NF1: variants seen among roughly 807,000 people sequenced by gnomAD.
NF1 encodes the protein neurofibromin.
Under a neutral mutation model 325.7 loss-of-function variants are expected in NF1, and 122 were observed. The observed-to-expected ratio is 0.37, with a 90% CI of 0.32 to 0.44. The LOEUF is 0.44. Ranked by LOEUF, NF1 falls within the 20% of genes least tolerant of loss-of-function variation. The pLI is 1.00. For synonymous variants in NF1, 1,091 were observed against 1,186.0 expected (o/e 0.92, Z 1.65); for missense variants, 2,140 against 3,415.4 (o/e 0.63, Z 9.31).
At chr17:31,157,809 A>AAC (rs1490332399) in intron 2 of NF1, among the ~76,000 whole-genome samples, 1 of 151,314 alleles carries the variant, frequency 6.6e-6, no homozygotes, top group Non-Finnish European at 1.5e-5. Context: ...AAAAAAAAAA[A>AAC]AAAAAACTTA....
At chr17:31,367,142 T>A in intron 57 of NF1, 1 of 712,042 alleles carries the variant, frequency 1.4e-6, no homozygotes, top group Non-Finnish European at 2.1e-6. Flanking sequence ...ATTATAATTA[T>A]CTAGTATCTA....
chr17:31,345,691 T>C, intron 48 of NF1: 4 of 1,614,218 alleles, frequency 2.5e-6, no homozygotes, highest in East Asian at 2.2e-5. Context: ...AAGCAGTATA[T>C]AGAGAAAAGT....
chr17:31,219,805 T>G (rs1166014121), intron 14 of NF1, among the ~76,000 whole-genome samples: 1 of 152,178 alleles, frequency 6.6e-6, no homozygotes. Flanking sequence ...TTCATATAAA[T>G]AGAATCATAG....
intron 12 of NF1, among the ~76,000 whole-genome samples, chr17:31,213,615 A>G (rs2066768523): frequency 6.6e-6 from 1 of 152,186 alleles, no homozygotes; most frequent in Non-Finnish European, 1.5e-5. Flanking sequence ...AAGGAAGGAG[A>G]TGTTTTATAA....
In NF1 at chr17:31,358,511, C is replaced by G. The variant is rs1060503905; in HGVS notation, c.8002C>G (p.Leu2668Val). 2.5e-6 allele frequency: 4 copies of G among 1,613,862 alleles called. No individual in the cohort carries two copies. The highest frequency in any genetic ancestry group is 3.4e-6 in the Non-Finnish European group (4 of 1,179,918). Residue 2668 changes from leucine to valine, a missense_variant, in exon 55 of 58, where the codon CTG becomes GTG. Coordinates refer to ENST00000358273, the MANE Select transcript of NF1 (RefSeq NM_001042492.3). ...HNLLDSKINT[L>V]LSLCQDPNLL... ...TTTGTTGGACTCTAAGATCAACACC[C>G]TGTTATCATTGTGCCAAGATCCAAA...
At chr17:31,299,292 T>A (rs1385775799) in intron 36 of NF1, among the ~76,000 whole-genome samples, 1 of 151,578 alleles carries the variant, frequency 6.6e-6, no homozygotes, top group Admixed American at 6.6e-5. Flanking sequence ...AATAAATAAA[T>A]AAATAAAAGA....
chr17:31,171,865 A>G (rs957693055), intron 5 of NF1, among the ~76,000 whole-genome samples: 2 of 152,226 alleles, frequency 1.3e-5, no homozygotes, highest in Non-Finnish European at 2.9e-5. Context: ...TTAATAAAAT[A>G]TGGAATCTGT....
intron 36 of NF1, chr17:31,318,203 T>G: frequency 2.1e-6 from 3 of 1,460,980 alleles, no homozygotes; most frequent in Non-Finnish European, 2.7e-6. Flanking sequence ...GTCTACCATG[T>G]CAAATTTTAG....
chr17:31,141,028 C>A (rs1916173081), intron 1 of NF1, among the ~76,000 whole-genome samples: 2 of 152,084 alleles, frequency 1.3e-5, no homozygotes, highest in African/African-American at 4.8e-5. Flanking sequence ...TTATGTATAA[C>A]ATGAAGACTA....
rs79890874 is a variant in NF1 at position 31,198,525 on chromosome 17, A to G, written c.889-1897A>G. Among the ~76,000 whole-genome samples the G allele has an allele frequency of 7.2e-3, 1,089 of 152,086 alleles. 15 individuals carry two copies. Among genetic ancestry groups the G allele is most frequent in the African/African-American group, 0.025 (1,047 of 41,460 alleles). Reference sequence around the variant, plus strand: ...GAAATTTGTCCATTTTGTCCAGGTTATCCAAATTGTTGGCATACAGTTTTA... The same window carrying G: ...GAAATTTGTCCATTTTGTCCAGGTTGTCCAAATTGTTGGCATACAGTTTTA... On this transcript the variant is annotated intron_variant, in intron 8 of 57. Coordinates refer to ENST00000358273, the MANE Select transcript of NF1 (RefSeq NM_001042492.3).
rs2143145014 is a variant in NF1, at chr17:31,095,338, T to G, written c.29T>G (p.Val10Gly). Residue 10 changes from valine to glycine, a missense_variant, in exon 1 of 58, where the codon GTC (valine) becomes GGC (glycine). By Grantham distance (109) the Val-to-Gly change is moderately radical. Coordinates refer to ENST00000358273, the MANE Select transcript of NF1 (RefSeq NM_001042492.3). ...GCCGCGCACAGGCCGGTGGAATGGG[T>G]CCAGGCCGTGGTCAGCCGCTTCGAC... is the stretch of plus-strand genomic sequence containing the variant. MAAHRPVEW[V>G]QAVVSRFDEQ... The G allele has an allele frequency of 6.5e-7, 1 of 1,538,958 alleles. No individual in the cohort carries two copies. Among genetic ancestry groups the G allele is most frequent in the Non-Finnish European group, 8.7e-7 (1 of 1,146,298 alleles).
At chr17:31,113,594 A>G (rs1049205668) in intron 1 of NF1, among the ~76,000 whole-genome samples, 2 of 152,062 alleles carry the variant, frequency 1.3e-5, no homozygotes, top group Admixed American at 6.6e-5. Flanking sequence ...CAGTGGTGCA[A>G]TCATGGCTTA....
chr17:31,162,487 T>A (rs1212619343), intron 3 of NF1, among the ~76,000 whole-genome samples: 6 of 152,192 alleles, frequency 3.9e-5, no homozygotes, highest in African/African-American at 1.4e-4. Context: ...ATCGGTGAAC[T>A]TTTTTGGATC....
chr17:31,229,734 G>A, intron 21 of NF1, 101 bp from the exon 22 acceptor site: 2 of 1,437,638 alleles, frequency 1.4e-6, no homozygotes, highest in Non-Finnish European at 2.0e-6. Context: ...GCCTGTGGGT[G>A]CACTTACTCT....
chr17:31,220,629 T>A (rs1472199715), intron 14 of NF1, among the ~76,000 whole-genome samples: 3 of 151,900 alleles, frequency 2.0e-5, no homozygotes, highest in South Asian at 2.1e-4. Flanking sequence ...CTTATATAGA[T>A]CACACAGCAA....
At chr17:31,309,671 G>A (rs938003027) in intron 36 of NF1, among the ~76,000 whole-genome samples, 2 of 152,090 alleles carry the variant, frequency 1.3e-5, no homozygotes, top group Non-Finnish European at 2.9e-5. Flanking sequence ...GAAACCATAC[G>A]GTTCCTCTTT....
At chr17:31,209,615 G>A (rs2066688163) in intron 12 of NF1, among the ~76,000 whole-genome samples, 1 of 151,960 alleles carries the variant, frequency 6.6e-6, no homozygotes, top group Admixed American at 6.6e-5. Flanking sequence ...GCATTGGAAG[G>A]GATTTTATTC....
intron 1 of NF1, among the ~76,000 whole-genome samples, chr17:31,127,133 A>G (rs1453273474): frequency 1.3e-5 from 2 of 150,120 alleles, no homozygotes; most frequent in African/African-American, 5.1e-5. Context: ...CTAGACTCTC[A>G]GTTCGGCTCT....
At chr17:31,109,777 A>G (rs1043671353) in intron 1 of NF1, among the ~76,000 whole-genome samples, 3 of 152,178 alleles carry the variant, frequency 2.0e-5, no homozygotes, top group Non-Finnish European at 4.4e-5. Flanking sequence ...CATGGACTCT[A>G]GTGATTCTTG....
Sources: allele counts gnomAD v4.1 joint callset (sites outside exome capture counted in the v4.1 genomes callset), GRCh38; gene constraint gnomAD v4.1.1; transcripts MANE v1.5; gene names NCBI Gene and HGNC (gene_info 2026-07-23, HGNC 2026-07-21).